The following TNKS variants were observed in gnomAD, a reference collection of about 807,000 sequenced individuals.
TNKS encodes poly [ADP-ribose] polymerase tankyrase-1.
Under a neutral mutation model 135.8 loss-of-function variants are expected in TNKS, and 72 were observed. The ratio of observed to expected loss-of-function variants is 0.53; its 90% CI spans 0.44 to 0.64. The LOEUF (loss-of-function observed/expected upper bound fraction) is 0.64. Among genes scored for constraint, TNKS ranks in the 30% least tolerant of loss-of-function variants. TNKS has a pLI of 0.00. For synonymous variants in TNKS, 849 were observed against 649.3 expected (o/e 1.31, Z -4.68); for missense variants, 1,769 against 1,674.0 (o/e 1.06, Z -0.99).
At chr8:9,620,889 T>C (rs1046939609) in intron 3 of TNKS, among the ~76,000 whole-genome samples, 1 of 152,154 alleles carries the variant, frequency 6.6e-6, no homozygotes, top group Non-Finnish European at 1.5e-5. Flanking sequence ...ATCATAAGGG[T>C]TTGGACTTTT....
At position 9,556,199 on chromosome 8, in the gene TNKS, C is replaced by T. The variant is rs1815287242; in HGVS notation, c.260C>T (p.Thr87Ile). The change falls in exon 1 of 27, where the codon ACC becomes ATC. Residue 87 changes from threonine to isoleucine, a missense_variant. Thr to Ile is a moderately conservative substitution (Grantham distance 89). Coordinates refer to ENST00000310430, the MANE Select transcript of TNKS (RefSeq NM_003747.3). ...CGATCCCCGGACCCGGTTGACGGTA[C>T]CAGCTGTTGCAGTACCACCAGCACA... ...RPRSPDPVDGTSCCSTTSTIC... is the reference protein window; with the variant it reads ...RPRSPDPVDGISCCSTTSTIC... 2 of 1,614,080 alleles carry T rather than the reference C, an allele frequency of 1.2e-6. No homozygotes were observed. The highest frequency in any genetic ancestry group is 2.7e-5 in the African/African-American group (2 of 75,070).
intron 1 of TNKS, chr8:9,575,119 CT>C: frequency 1.0e-6 from 1 of 964,384 alleles, no homozygotes; most frequent in Non-Finnish European, 1.2e-6. Context: ...CGGAGTCTCG[CT>C]CTGTTGCCCA....
At chr8:9,612,217 A>G (rs537569644) in intron 2 of TNKS, among the ~76,000 whole-genome samples, 14 of 152,292 alleles carry the variant, frequency 9.2e-5, no homozygotes, top group African/African-American at 2.6e-4. Flanking sequence ...TTTTTCCCCA[A>G]TGCATGACAG....
At chr8:9,690,116 G>A (rs546353288) in intron 5 of TNKS, among the ~76,000 whole-genome samples, 37 of 152,086 alleles carry the variant, frequency 2.4e-4, no homozygotes, top group South Asian at 4.2e-4. Flanking sequence ...TTTCTCATTC[G>A]ATGATGAAAA....
intron 2 of TNKS, among the ~76,000 whole-genome samples, chr8:9,588,907 A>G (rs893087417): frequency 8.5e-5 from 13 of 152,214 alleles, no homozygotes; most frequent in African/African-American, 3.1e-4. Flanking sequence ...TAGACTAGGA[A>G]GAAGAAGCTT....
intron 12 of TNKS, among the ~76,000 whole-genome samples, chr8:9,724,430 A>T (rs1402576685): frequency 6.6e-6 from 1 of 151,344 alleles, no homozygotes; most frequent in Non-Finnish European, 1.5e-5. Flanking sequence ...TCTAAAAAGA[A>T]AGAACTAAAC....
At chr8:9,622,441 A>G (rs1451040926) in intron 3 of TNKS, among the ~76,000 whole-genome samples, 1 of 152,226 alleles carries the variant, frequency 6.6e-6, no homozygotes, top group African/African-American at 2.4e-5. Flanking sequence ...GAAGCTGTGA[A>G]GTAGATATTG....
At chr8:9,678,780 A>T (rs565066637) in intron 3 of TNKS, among the ~76,000 whole-genome samples, 35 of 152,226 alleles carry the variant, frequency 2.3e-4, no homozygotes, top group Non-Finnish European at 3.8e-4. Flanking sequence ...AAGATTTTTT[A>T]AAAGTTACTT....
chr8:9,704,791 T>C (rs1803975425), intron 6 of TNKS, 34 bp downstream of exon 6: 4 of 1,563,176 alleles, frequency 2.6e-6, no homozygotes, highest in Non-Finnish European at 3.5e-6. Context: ...GTCAGTGCTT[T>C]GTTTTTTGTC....
In TNKS at chr8:9,752,518, G is replaced by T. The variant is rs1307342093; in HGVS notation, c.3071-26G>T. 2.6e-6 allele frequency: 4 copies of T among 1,553,706 alleles called. No individual in the cohort carries two copies. The African/African-American group carries it at 5.5e-5, about 21-fold the overall frequency. ...TTTATATTTAGAGAATTCTTTCTGA[G>T]AATCTTTAATATGTTTCTGTTTTAG... On this transcript the variant is annotated intron_variant, in intron 19 of 26. Transcript: ENST00000310430.
intron 11 of TNKS, among the ~76,000 whole-genome samples, chr8:9,719,664 T>A (rs530310873): frequency 6.6e-6 from 1 of 152,112 alleles, no homozygotes; most frequent in Non-Finnish European, 1.5e-5. Flanking sequence ...GAACGTGGAC[T>A]TGGGTCTGAC....
At chr8:9,577,739 C>T (rs1346523105) in intron 1 of TNKS, among the ~76,000 whole-genome samples, 1 of 152,064 alleles carries the variant, frequency 6.6e-6, no homozygotes, top group African/African-American at 2.4e-5. Flanking sequence ...TTTTTTGGTC[C>T]CTGGCTCCTC....
intron 1 of TNKS, among the ~76,000 whole-genome samples, chr8:9,560,784 T>A (rs1327822530): frequency 6.6e-6 from 1 of 152,048 alleles, no homozygotes; most frequent in Non-Finnish European, 1.5e-5. Context: ...GACTTAAAAT[T>A]GTTGATTATA....
At chr8:9,709,065 G>T (rs1477182267) in intron 9 of TNKS, among the ~76,000 whole-genome samples, 1 of 152,136 alleles carries the variant, frequency 6.6e-6, no homozygotes, top group Non-Finnish European at 1.5e-5. Flanking sequence ...CTCAGCTAGA[G>T]AGTGGTTAGT....
intron 3 of TNKS, among the ~76,000 whole-genome samples, chr8:9,678,654 A>G (rs867053258): frequency 3.3e-5 from 5 of 152,234 alleles, no homozygotes; most frequent in African/African-American, 1.2e-4. Flanking sequence ...ATATTTGCTA[A>G]TAATGGGTTA....
chr8:9,761,525 G>C lies in TNKS; in HGVS notation c.3163G>C (p.Asp1055His). The change falls in exon 21 of 27, where the codon GAT (aspartate) becomes CAT (histidine). Residue 1055 changes from aspartate (D) to histidine (H), a missense_variant. Physicochemically the swap from Asp to His is moderately conservative, Grantham distance 81. Coordinates refer to ENST00000310430, the MANE Select transcript of TNKS (RefSeq NM_003747.3). ...DIFETEQITL[D>H]VLADMGHEEL... is the part of the protein sequence containing the mutation. Reference sequence around the variant, plus strand: ...TTGTTTCATTTTTCAGATTACACTAGATGTGTTGGCTGATATGGGTCATGA... The same window carrying C: ...TTGTTTCATTTTTCAGATTACACTACATGTGTTGGCTGATATGGGTCATGA... 6.2e-7 allele frequency: 1 copy of C among 1,613,296 alleles called. No individual in the cohort carries two copies. Among genetic ancestry groups the C allele is most frequent in the Non-Finnish European group, 8.5e-7 (1 of 1,179,856 alleles).
chr8:9,745,540 G>T (rs1161251665), intron 17 of TNKS, among the ~76,000 whole-genome samples: 1 of 152,088 alleles, frequency 6.6e-6, no homozygotes, highest in East Asian at 1.9e-4. Context: ...AAGTAGCTGG[G>T]ATTACAGGTG....
At chr8:9,640,633 G>C (rs931208756) in intron 3 of TNKS, among the ~76,000 whole-genome samples, 1 of 145,930 alleles carries the variant, frequency 6.9e-6, no homozygotes, top group African/African-American at 2.5e-5. Flanking sequence ...GTACTCTGAA[G>C]ACAGGTTCAT....
At chr8:9,562,448 T>C (rs1309509589) in intron 1 of TNKS, among the ~76,000 whole-genome samples, 2 of 152,212 alleles carry the variant, frequency 1.3e-5, no homozygotes, top group Non-Finnish European at 2.9e-5. Context: ...TGAAAATCTT[T>C]ATGATTTTAG....
Sources: gnomAD v4.1 joint callset for allele counts (sites outside exome capture counted in the v4.1 genomes callset) on GRCh38, gnomAD v4.1.1 for gene constraint, MANE v1.5 for transcripts, NCBI Gene and HGNC (gene_info 2026-07-23, HGNC 2026-07-21) for gene names.